Variants in KIAA1755 observed in about 807,000 individuals in gnomAD.
KIAA1755 encodes the protein uncharacterized protein KIAA1755.
In KIAA1755, 68 loss-of-function variants were observed where a neutral mutation model predicts 91.7. The ratio of observed to expected loss-of-function variants is 0.74; its 90% confidence interval spans 0.61 to 0.91. The LOEUF is 0.91. Among genes scored for constraint, KIAA1755 ranks in the 40% least tolerant of loss-of-function variants. The pLI is 0.00. For missense variants in KIAA1755, 1,535 were observed against 1,494.4 expected, an observed-to-expected ratio of 1.03 and a Z score of -0.45; for synonymous variants, 610 against 604.6, an observed-to-expected ratio of 1.01 and a Z score of -0.13.
At chr20:38,225,340 T>C (rs1184480659) in intron 8 of KIAA1755, among the ~76,000 whole-genome samples, 2 of 152,188 alleles carry the variant, frequency 1.3e-5, no homozygotes, top group Non-Finnish European at 2.9e-5. Context: ...CCTAGCTCTT[T>C]ACCCGTATTA....
chr20:38,219,079 C>T (rs550471017), intron 11 of KIAA1755, among the ~76,000 whole-genome samples: 2 of 152,288 alleles, frequency 1.3e-5, no homozygotes, highest in East Asian at 3.9e-4. Flanking sequence ...AAGAGTTAAA[C>T]ATCTTGTCCA....
At chr20:38,216,999 T>TA (rs1234799159) in intron 13 of KIAA1755, 1 of 674,450 alleles carries the variant, frequency 1.5e-6, no homozygotes. Context: ...TTTTTCCTGT[T>TA]ACAAGACTTG....
intron 8 of KIAA1755, 71 bp downstream of exon 8, chr20:38,225,594 A>G (rs1422844294): frequency 1.0e-6 from 1 of 956,508 alleles, no homozygotes; most frequent in East Asian, 2.4e-5. Context: ...TGATGGATCC[A>G]TGGGACAGAA....
intron 2 of KIAA1755, 93 bp downstream of exon 2, chr20:38,245,836 A>C: frequency 4.1e-6 from 5 of 1,220,618 alleles, no homozygotes; most frequent in Non-Finnish European, 5.9e-6. Flanking sequence ...GTGAAACAAG[A>C]CACAGGCCAG....
At chr20:38,242,594 C>T (rs1020982446) in intron 2 of KIAA1755, among the ~76,000 whole-genome samples, 11 of 152,188 alleles carry the variant, frequency 7.2e-5, no homozygotes, top group African/African-American at 2.7e-4. Context: ...CTTACATCAG[C>T]CTACAGTTGG....
At chr20:38,243,479 C>G (rs1371724038) in intron 2 of KIAA1755, among the ~76,000 whole-genome samples, 2 of 152,162 alleles carry the variant, frequency 1.3e-5, no homozygotes, top group Non-Finnish European at 2.9e-5. Flanking sequence ...TTTTTGCAAA[C>G]AGCAAAGCAC....
Position 38,240,633 on chromosome 20 carries a change from G to C in KIAA1755, c.1498C>G (p.Leu500Val), listed in dbSNP as rs1014727838. The change falls in exon 3 of 14, where the codon CTG (leucine) becomes GTG (valine). Residue 500 changes from leucine (L) to valine (V), a missense_variant. Physicochemically the swap from Leu to Val is conservative, Grantham distance 32. Coordinates refer to ENST00000279024, the MANE Select transcript of KIAA1755 (RefSeq NM_001029864.2). ...SLQHNGPWKVLCSLYSPKPNR... is the reference protein window; with the variant it reads ...SLQHNGPWKVVCSLYSPKPNR... ...GGTTTAGGAGAGTAGAGGGAACACA[G>C]GACTTTCCAGGGCCCATTGTGCTGG... is the stretch of plus-strand genomic sequence containing the variant. 1 of 1,517,174 alleles carries C rather than the reference G, an allele frequency of 6.6e-7. No homozygotes were observed. The highest frequency in any genetic ancestry group is 1.4e-5 in the African/African-American group (1 of 71,622). The allele number at this position is 1,517,174 out of a possible 1,614,324, so 94.0% of individuals were successfully genotyped here.
intron 13 of KIAA1755, among the ~76,000 whole-genome samples, chr20:38,213,955 CT>C (rs11482397): frequency 9.0e-4 from 128 of 142,836 alleles, no homozygotes; most frequent in Admixed American, 9.7e-4. Context: ...CATCAGACAC[CT>C]TTTTTTTTTT....
At position 38,240,848 on chromosome 20, in the gene KIAA1755, G is replaced by GC; in HGVS notation, c.1282dup (p.Ala428GlyfsTer9). 6.2e-7 allele frequency: 1 copy of GC among 1,614,208 alleles called. No individual in the cohort carries two copies. Among genetic ancestry groups the GC allele is most frequent in the Non-Finnish European group, 8.5e-7 (1 of 1,180,044 alleles). On this transcript the variant is annotated frameshift_variant, in exon 3 of 14. Coordinates refer to ENST00000279024, the MANE Select transcript of KIAA1755 (RefSeq NM_001029864.2). LOFTEE classifies it high-confidence loss of function. ...TTCAGAGGCTGCAGCTGCAGGAGAA[G>GC]CTGGGGACAGGCGGGGAGAGGAGGC...
At position 38,225,785 on chromosome 20, in the gene KIAA1755, C is replaced by T. The variant is rs1289915861; in HGVS notation, c.2053-4G>A. The T allele has an allele frequency of 1.3e-6, 2 of 1,525,402 alleles. No individual in the cohort carries two copies. Among genetic ancestry groups the T allele is most frequent in the Non-Finnish European group, 1.8e-6 (2 of 1,135,960 alleles). 94.5% of individuals were successfully genotyped at this position (1,525,402 alleles called of 1,614,324 possible). A position where few individuals can be genotyped will look rare whatever the true frequency, so the allele number is the denominator to read the frequency against. ...TCAATGAGGTCAGCACCTCCACCTG[C>T]AGACCAAAGAATCAGGAGAACCAGG... On this transcript the variant is annotated splice_polypyrimidine_tract_variant and splice_region_variant and intron_variant, in intron 7 of 13. Coordinates refer to ENST00000279024, the MANE Select transcript of KIAA1755 (RefSeq NM_001029864.2).
At chr20:38,228,015 G>T in intron 6 of KIAA1755, 132 bp downstream of exon 6, 1 of 553,652 alleles carries the variant, frequency 1.8e-6, no homozygotes, top group Non-Finnish European at 3.0e-6. Context: ...TGAGTTTTCT[G>T]TTGGCTGCAG....
chr20:38,253,189 G>A (rs2076282522), intron 1 of KIAA1755, among the ~76,000 whole-genome samples: 1 of 152,176 alleles, frequency 6.6e-6, no homozygotes, highest in Admixed American at 6.5e-5. Flanking sequence ...AGCTCATCAA[G>A]GGGACAGGCA....
At chr20:38,222,940 A>T (rs2075688571) in intron 9 of KIAA1755, 1 of 360,028 alleles carries the variant, frequency 2.8e-6, no homozygotes, top group African/African-American at 2.1e-5. Context: ...AAAACTCTCC[A>T]GTGGCTTTCC....
intron 4 of KIAA1755, chr20:38,236,885 T>G (rs1444534339): frequency 6.6e-6 from 1 of 151,926 alleles, no homozygotes; most frequent in Non-Finnish European, 1.5e-5. Context: ...CTGGGCAATA[T>G]TGCAGCGTGT....
chr20:38,241,085 T>G lies in KIAA1755; in HGVS notation c.1046A>C (p.Asn349Thr). 1 of 1,614,158 alleles carries G rather than the reference T, an allele frequency of 6.2e-7. No individual in the cohort carries two copies. The highest frequency in any genetic ancestry group is 1.1e-5 in the South Asian group (1 of 91,088). ...ATTGACCTTTCTCCTGAAGCCCAAA[T>G]TATAGGGCCTCTCCTCAGAGCTTTC... ...KPESSEERPY[N>T]LGFRRKVNLK... The change falls in exon 3 of 14, where the codon AAT becomes ACT. Residue 349 changes from asparagine (N) to threonine (T), a missense_variant. Physicochemically the swap from Asn to Thr is moderately conservative, Grantham distance 65. Transcript: ENST00000279024.
At chr20:38,245,706 C>T (rs532219039) in intron 2 of KIAA1755, among the ~76,000 whole-genome samples, 5 of 152,294 alleles carry the variant, frequency 3.3e-5, no homozygotes, top group African/African-American at 1.2e-4. Context: ...CTGCTGGTGA[C>T]AGTACAATGT....
chr20:38,260,527 C>T lies in KIAA1755; in HGVS notation c.-27G>A, dbSNP rs1448674660. On this transcript the variant is annotated 5_prime_UTR_variant, in exon 1 of 14. Transcript: ENST00000279024. Reference sequence around the variant, plus strand: ...GTGACGGGCTGCCAGCGGCGGGCGGCGCGGCTCCTCTCCTGGGCGCGGGGT... The same window carrying T: ...GTGACGGGCTGCCAGCGGCGGGCGGTGCGGCTCCTCTCCTGGGCGCGGGGT... The T allele has an allele frequency of 2.0e-6, 3 of 1,479,012 alleles. No homozygotes were observed. The highest frequency in any genetic ancestry group is 1.4e-5 in the African/African-American group (1 of 69,714). 91.6% of individuals were successfully genotyped at this position (1,479,012 alleles called of 1,614,324 possible).
intron 2 of KIAA1755, among the ~76,000 whole-genome samples, chr20:38,243,377 G>C (rs2076101669): frequency 2.0e-5 from 3 of 152,148 alleles, no homozygotes; most frequent in Admixed American, 1.3e-4. Context: ...GAGTCTGTAG[G>C]TTTTCTCGAC....
rs2076071047 is a variant in KIAA1755, at chr20:38,241,717, C to T, written c.414G>A (p.Glu138=). The part of the protein sequence containing the change: ...LCTVDKKPVP[E]PAYPILFTQE... ...GGGTGAAAAGTATAGGGTAGGCTGG[C>T]TCTGGAACAGGCTTCTTGTCCACTG... Residue 138 remains glutamate (E), a synonymous_variant, in exon 3 of 14, where the codon GAG becomes GAA. Transcript: ENST00000279024. The T allele has an allele frequency of 2.5e-6, 4 of 1,614,102 alleles. No homozygotes were observed. The highest frequency in any genetic ancestry group is 2.2e-5 in the South Asian group (2 of 91,090).
Sources: gnomAD v4.1 joint callset for allele counts (sites outside exome capture counted in the v4.1 genomes callset) on GRCh38, gnomAD v4.1.1 for gene constraint, MANE v1.5 for transcripts, NCBI Gene and HGNC (gene_info 2026-07-23, HGNC 2026-07-21) for gene names.